KALRN: variants seen among roughly 807,000 people sequenced by gnomAD.
KALRN encodes kalirin.
Under a neutral mutation model 353.7 loss-of-function variants are expected in KALRN, and 70 were observed. The observed-to-expected ratio is 0.20, with a 90% CI of 0.16 to 0.24. The LOEUF (loss-of-function observed/expected upper bound fraction) is 0.24, where lower values mean the gene tolerates loss of function less well. Ranked by LOEUF, KALRN falls within the 10% of genes least tolerant of loss-of-function variation. The probability of loss-of-function intolerance (pLI) is 1.00; values close to 1 mark genes in which losing one functional copy is unlikely to be tolerated. For missense variants in KALRN, 2,791 were observed against 3,756.7 expected (o/e 0.74, Z 6.72); for synonymous variants, 1,391 against 1,434.8 (o/e 0.97, Z 0.69).
chr3:124,280,869 A>G (rs1269655285), intron 5 of KALRN, among the ~76,000 whole-genome samples: 1 of 152,158 alleles, frequency 6.6e-6, no homozygotes, highest in Non-Finnish European at 1.5e-5. Flanking sequence ...GCCCAACTCA[A>G]GGGTATCTAC....
chr3:124,557,369 AT>A (rs1577962444), intron 33 of KALRN, among the ~76,000 whole-genome samples: 2 of 152,332 alleles, frequency 1.3e-5, no homozygotes, highest in East Asian at 3.9e-4. Context: ...TGTGTGGTGC[AT>A]CTCATCTTTT....
At chr3:124,614,337 C>T (rs333319) in intron 34 of KALRN, among the ~76,000 whole-genome samples, 22,910 of 151,152 alleles carry the variant, frequency 0.15, 4,168 homozygotes, top group African/African-American at 0.41. Flanking sequence ...GGCTCGATCA[C>T]GGCTCAATGC....
chr3:124,150,246 C>T (rs2067911224), intron 1 of KALRN, among the ~76,000 whole-genome samples: 1 of 152,088 alleles, frequency 6.6e-6, no homozygotes, highest in Admixed American at 6.6e-5. Context: ...TAAAAGCTTC[C>T]AATGAAAACT....
chr3:124,509,508 A>G (rs1207949164), intron 33 of KALRN, among the ~76,000 whole-genome samples: 2 of 152,176 alleles, frequency 1.3e-5, no homozygotes, highest in African/African-American at 2.4e-5. Context: ...GCTCCCAACC[A>G]CATTTAGTAT....
intron 1 of KALRN, among the ~76,000 whole-genome samples, chr3:124,082,828 C>T (rs1416493921): frequency 2.0e-5 from 3 of 152,180 alleles, no homozygotes; most frequent in Non-Finnish European, 4.4e-5. Flanking sequence ...AAGAGTCCAC[C>T]TTTTATTTTT....
intron 3 of KALRN, among the ~76,000 whole-genome samples, chr3:124,239,435 T>C (rs762861137): frequency 2.6e-5 from 4 of 152,364 alleles, no homozygotes; most frequent in Admixed American, 6.5e-5. Context: ...AGGGCACCAG[T>C]TGATGTATCT....
chr3:124,246,117 G>A (rs534749498), intron 3 of KALRN, among the ~76,000 whole-genome samples: 15 of 152,190 alleles, frequency 9.9e-5, no homozygotes, highest in Non-Finnish European at 1.8e-4. Flanking sequence ...GGGATCGCTG[G>A]ATCATATGGT....
chr3:124,156,716 G>A (rs962243033), intron 1 of KALRN, among the ~76,000 whole-genome samples: 3 of 152,214 alleles, frequency 2.0e-5, no homozygotes, highest in South Asian at 2.1e-4. Flanking sequence ...AATCTTTTTC[G>A]CATAATGCCA....
At chr3:124,041,051 C>T (rs1041838896) in intron 1 of KALRN, among the ~76,000 whole-genome samples, 4 of 151,940 alleles carry the variant, frequency 2.6e-5, no homozygotes, top group South Asian at 2.1e-4. Context: ...TCATGTACCA[C>T]GCATGCTATG....
chr3:124,605,128 A>G (rs1337696023), intron 34 of KALRN, among the ~76,000 whole-genome samples: 4 of 151,392 alleles, frequency 2.6e-5, no homozygotes, highest in Admixed American at 6.6e-5. Flanking sequence ...ACGCTATTGC[A>G]CTGCACAGGG....
intron 53 of KALRN, among the ~76,000 whole-genome samples, 188 bp downstream of exon 53, chr3:124,694,691 A>G (rs892905836): frequency 4.6e-5 from 7 of 152,190 alleles, no homozygotes; most frequent in African/African-American, 1.7e-4. Flanking sequence ...AGTGTTAGTC[A>G]GAGCCTCTGC....
chr3:124,551,200 C>A (rs1466015366), intron 33 of KALRN, among the ~76,000 whole-genome samples: 1 of 151,996 alleles, frequency 6.6e-6, no homozygotes, highest in African/African-American at 2.4e-5. Context: ...CAAAACCAAC[C>A]AACAATAGCA....
In KALRN at chr3:124,455,169, T is replaced by C; in HGVS notation, c.3553-8T>C. 1 of 1,613,986 alleles carries C rather than the reference T, an allele frequency of 6.2e-7. No individual in the cohort carries two copies. Among genetic ancestry groups the C allele is most frequent in the East Asian group, 2.2e-5 (1 of 44,876 alleles). ...AATCCAGTAACTTAAGGCCATCTTT[T>C]GGGGCAGCAAACAAAGGAGAAGGTG... is the stretch of plus-strand genomic sequence containing the variant. On this transcript the variant is annotated splice_polypyrimidine_tract_variant and splice_region_variant and intron_variant, in intron 21 of 59. Coordinates refer to ENST00000682506, the MANE Select transcript of KALRN (RefSeq NM_001388419.1).
At chr3:124,303,335 G>A (rs1460484862) in intron 6 of KALRN, among the ~76,000 whole-genome samples, 1 of 152,104 alleles carries the variant, frequency 6.6e-6, no homozygotes, top group African/African-American at 2.4e-5. Context: ...AAACCCAGTA[G>A]GAAAATTTTC....
At chr3:124,555,682 A>T (rs1213578625) in intron 33 of KALRN, among the ~76,000 whole-genome samples, 1 of 152,018 alleles carries the variant, frequency 6.6e-6, no homozygotes, top group Non-Finnish European at 1.5e-5. Flanking sequence ...AATGGGAGAC[A>T]CCTCTCAGAC....
In KALRN at chr3:124,391,549, C is replaced by T. The variant is rs529586547; in HGVS notation, c.1963-3586C>T. 2.6e-5 allele frequency among the ~76,000 whole-genome samples: 4 copies of T among 152,298 alleles called. No homozygotes were observed. In the South Asian group the frequency reaches 6.2e-4, roughly 24 times the overall value. On this transcript the variant is annotated intron_variant, in intron 11 of 59. Transcript: ENST00000682506. Reference sequence around the variant, plus strand: ...AGCAGAAGTGTCTCTCTAATTTGGACTCTTTTCAAAGCATGTTCTTCAGCG... The same window carrying T: ...AGCAGAAGTGTCTCTCTAATTTGGATTCTTTTCAAAGCATGTTCTTCAGCG...
chr3:124,516,636 TA>T lies in KALRN; in HGVS notation c.4935+20242del, dbSNP rs371660048. On this transcript the variant is annotated intron_variant, in intron 33 of 59. Coordinates refer to ENST00000682506, the MANE Select transcript of KALRN (RefSeq NM_001388419.1). ...TTCTGTAGGCCTTGTAGCACATCTA[TA>T]AAAAAAAAAAAAAAAAAACCTGGTA... Among the ~76,000 whole-genome samples the T allele has an allele frequency of 6.1e-3, 730 of 118,790 alleles. 4 individuals are homozygous for T. Among genetic ancestry groups the T allele is most frequent in the Middle Eastern group, 0.014 (3 of 212 alleles). The allele number at this position is 118,790 out of a possible 152,430, so 77.9% of individuals were successfully genotyped here. A position where few individuals can be genotyped will look rare whatever the true frequency, so the allele number is the denominator to read the frequency against.
rs938848796 is a variant in KALRN at position 124,697,742 on chromosome 3, C to T, written c.7831+18C>T. 2.0e-6 allele frequency: 3 copies of T among 1,499,742 alleles called. No homozygotes were observed. Among genetic ancestry groups the T allele is most frequent in the Non-Finnish European group, 2.7e-6 (3 of 1,122,766 alleles). The allele number at this position is 1,499,742 out of a possible 1,614,324, so 92.9% of individuals were successfully genotyped here. ...AGAGGAAGGTGCACTATCTCCTGCT[C>T]TTCTTTTTCTTTTCTCTTCTTTTAA... On this transcript the variant is annotated intron_variant, in intron 55 of 59. Transcript: ENST00000682506.
At chr3:124,273,204 G>A (rs1580338545) in intron 5 of KALRN, among the ~76,000 whole-genome samples, 1 of 152,200 alleles carries the variant, frequency 6.6e-6, no homozygotes, top group Non-Finnish European at 1.5e-5. Context: ...CCTGTGGTGA[G>A]CCCCCACATT....
Sources: allele counts gnomAD v4.1 joint callset (sites outside exome capture counted in the v4.1 genomes callset), GRCh38; gene constraint gnomAD v4.1.1; transcripts MANE v1.5; gene names NCBI Gene and HGNC (gene_info 2026-07-23, HGNC 2026-07-21).